Variants in ME3 observed in about 807,000 individuals in gnomAD.
ME3 encodes malic enzyme 3.
Under a neutral mutation model 68.9 loss-of-function variants are expected in ME3, and 48 were observed. That is an observed-to-expected ratio of 0.70 (90% CI 0.55 to 0.89). The LOEUF is 0.89. Among genes scored for constraint, ME3 ranks in the 40% least tolerant of loss-of-function variants. The pLI, the probability that ME3 is intolerant of heterozygous loss-of-function variation, is 0.00. For missense variants in ME3, 675 were observed against 797.4 expected (o/e 0.85, Z 1.85); for synonymous variants, 320 against 318.8 (o/e 1.00, Z -0.04).
chr11:86,530,937 T>G (rs369065905), intron 4 of ME3, among the ~76,000 whole-genome samples: 1,591 of 152,018 alleles, frequency 0.01, 32 homozygotes, highest in African/African-American at 0.035. Context: ...CATAGGCATG[T>G]GCAAGGACTT....
intron 3 of ME3, among the ~76,000 whole-genome samples, chr11:86,557,780 C>T (rs1038118405): frequency 1.3e-5 from 2 of 152,140 alleles, no homozygotes; most frequent in Admixed American, 1.3e-4. Context: ...GCCATTTGTG[C>T]ACATCTTTTC....
In ME3 at chr11:86,500,427, G is replaced by A. The variant is rs140553938; in HGVS notation, c.544-2303C>T. ...TCTCACCTCCATCTACTGTCCACCC[G>A]CAATCCTACCATGGTTATAGTTGAG... On this transcript the variant is annotated intron_variant, in intron 5 of 14. Coordinates refer to ENST00000543262, the Ensembl canonical transcript of ME3. 7.1e-3 allele frequency among the ~76,000 whole-genome samples: 1,079 copies of A among 152,234 alleles called. 12 individuals are homozygous for A. Among genetic ancestry groups the A allele is most frequent in the African/African-American group, 0.025 (1,032 of 41,540 alleles).
At chr11:86,498,643 T>C (rs1048631238) in intron 5 of ME3, among the ~76,000 whole-genome samples, 2 of 152,204 alleles carry the variant, frequency 1.3e-5, no homozygotes, top group Non-Finnish European at 2.9e-5. Flanking sequence ...AGGATCACTA[T>C]TGCATATGAA....
Position 86,653,884 on chromosome 11 carries a change from G to A in ME3, c.183+17878C>T, listed in dbSNP as rs1370319244. Among the ~76,000 whole-genome samples the A allele has an allele frequency of 3.3e-5, 5 of 152,036 alleles. No homozygotes were observed. The South Asian group carries it at 1.0e-3, about 32-fold the overall frequency. ...AAAGAAGAAAAGAGAGAAGAATCAAGTAGAGGCAATAAAAAATGATAAAGG... is the reference window on the plus strand; with the variant it reads ...AAAGAAGAAAAGAGAGAAGAATCAAATAGAGGCAATAAAAAATGATAAAGG... On this transcript the variant is annotated intron_variant, in intron 2 of 14. Coordinates refer to ENST00000543262, the Ensembl canonical transcript of ME3.
At chr11:86,565,642 A>G (rs1056043294) in intron 2 of ME3, among the ~76,000 whole-genome samples, 6 of 152,208 alleles carry the variant, frequency 3.9e-5, no homozygotes, top group Non-Finnish European at 7.3e-5. Context: ...ACAACTCTAA[A>G]TGGGTGAATT....
chr11:86,483,716 A>G (rs903217532), intron 7 of ME3, among the ~76,000 whole-genome samples: 2 of 152,198 alleles, frequency 1.3e-5, no homozygotes, highest in African/African-American at 2.4e-5. Context: ...GGAACTAGGG[A>G]AGAAGCGGGT....
At position 86,572,679 on chromosome 11, in the gene ME3, C is replaced by T. The variant is rs1048402106; in HGVS notation, c.184-12856G>A. ...CACAGTTTCTTTATCCAGTCTATCA[C>T]TGATGAGCATTTGGGTTGGTTCCAT... On this transcript the variant is annotated intron_variant, in intron 2 of 14. Transcript: ENST00000543262. Among the ~76,000 whole-genome samples the T allele has an allele frequency of 5.3e-5, 8 of 152,180 alleles. 1 individual carries two copies. The highest frequency in any genetic ancestry group is 1.5e-5 in the Non-Finnish European group (1 of 68,032).
exon 4 of ME3, chr11:86,556,554 G>C: frequency 6.2e-7 from 1 of 1,613,236 alleles, no homozygotes; most frequent in Non-Finnish European, 8.5e-7. Context: ...GGGGCTCACC[G>C]GGGCCTGCGG....
chr11:86,625,581 A>G (rs1357870516), intron 2 of ME3, among the ~76,000 whole-genome samples: 5 of 152,152 alleles, frequency 3.3e-5, no homozygotes, highest in African/African-American at 1.2e-4. Context: ...TTCCTTCTCC[A>G]TGTATTCAAC....
intron 2 of ME3, among the ~76,000 whole-genome samples, chr11:86,626,985 G>A (rs1943705466): frequency 6.6e-6 from 1 of 152,206 alleles, no homozygotes; most frequent in Admixed American, 6.5e-5. Context: ...AGTAGGTAAA[G>A]GATGACAGGA....
intron 2 of ME3, among the ~76,000 whole-genome samples, chr11:86,655,597 T>A (rs1414411089): frequency 6.6e-6 from 1 of 151,918 alleles, no homozygotes. Flanking sequence ...AAAAATTAAT[T>A]CAAGATGGAT....
chr11:86,625,784 A>C (rs1167240672), intron 2 of ME3, among the ~76,000 whole-genome samples: 1 of 152,146 alleles, frequency 6.6e-6, no homozygotes, highest in Admixed American at 6.5e-5. Flanking sequence ...AATAGTACAG[A>C]CCCTGAAACA....
At position 86,450,162 on chromosome 11, in the gene ME3, C is replaced by G. The variant is rs554091146; in HGVS notation, c.1017+139G>C. 6.2e-4 allele frequency: 618 copies of G among 990,202 alleles called. 8 individuals carry two copies. The South Asian group carries it at 9.2e-3, about 15-fold the overall frequency. The allele number at this position is 990,202 out of a possible 1,614,324, so 61.3% of individuals were successfully genotyped here. A position where few individuals can be genotyped will look rare whatever the true frequency, so the allele number is the denominator to read the frequency against. ...CCTTGAGACACCCAATTGTCAGAGC[C>G]TAGGCAGCTGCAATGATCACAATAT... On this transcript the variant is annotated intron_variant, in intron 9 of 14. Transcript: ENST00000543262.
At chr11:86,514,322 G>A (rs1953742428) in intron 4 of ME3, among the ~76,000 whole-genome samples, 1 of 152,142 alleles carries the variant, frequency 6.6e-6, no homozygotes, top group Non-Finnish European at 1.5e-5. Flanking sequence ...TGATACACAT[G>A]AGATTCTGAT....
At chr11:86,600,368 A>C (rs146972671) in intron 2 of ME3, among the ~76,000 whole-genome samples, 1 of 152,252 alleles carries the variant, frequency 6.6e-6, no homozygotes, top group South Asian at 2.1e-4. Flanking sequence ...CCATTACATA[A>C]TGGTGAAGGG....
chr11:86,671,653 C>A, intron 2 of ME3, 109 bp downstream of exon 2: 1 of 1,399,692 alleles, frequency 7.1e-7, no homozygotes, highest in South Asian at 1.3e-5. Context: ...AACAGAAAAA[C>A]CGCTGGAAGG....
chr11:86,450,211 G>C (rs1395957386), intron 9 of ME3, 90 bp downstream of exon 9: 11 of 1,279,230 alleles, frequency 8.6e-6, no homozygotes, highest in Middle Eastern at 1.8e-4. Context: ...CCTCTTTTCA[G>C]AACCCCAGAA....
chr11:86,559,755 C>T (rs1471291817), exon 3 of ME3: 2 of 1,614,018 alleles, frequency 1.2e-6, no homozygotes, highest in East Asian at 2.2e-5. Context: ...CGTCCTGGCT[C>T]AGAAAGCAGG....
intron 13 of ME3, among the ~76,000 whole-genome samples, chr11:86,444,478 T>C (rs927693573): frequency 6.6e-6 from 1 of 152,162 alleles, no homozygotes; most frequent in Non-Finnish European, 1.5e-5. Context: ...ATTCTCTTTG[T>C]GAAGGTATAG....
Sources: allele counts gnomAD v4.1 joint callset (sites outside exome capture counted in the v4.1 genomes callset), GRCh38; gene constraint gnomAD v4.1.1; transcripts MANE v1.5; gene names NCBI Gene and HGNC (gene_info 2026-07-23, HGNC 2026-07-21).